The following WAPL variants were observed in gnomAD, a reference collection of about 807,000 sequenced individuals.
WAPL encodes the protein wings apart-like protein homolog.
A neutral mutation model predicts 121.0 loss-of-function variants in WAPL; 5 were observed. The observed-to-expected ratio is 0.04, with a 90% confidence interval of 0.02 to 0.09. WAPL has a LOEUF of 0.09. Among genes scored for constraint, WAPL ranks in the 10% least tolerant of loss-of-function variants. The probability of loss-of-function intolerance (pLI) is 1.00; values close to 1 mark genes in which losing one functional copy is unlikely to be tolerated. For missense variants in WAPL, 999 were observed against 1,410.8 expected, an observed-to-expected ratio of 0.71 and a Z score of 4.68; for synonymous variants, 480 against 481.5, an observed-to-expected ratio of 1.00 and a Z score of 0.04.
chr10:86,480,415 C>T (rs17331685), intron 4 of WAPL, among the ~76,000 whole-genome samples: 11,406 of 152,014 alleles, frequency 0.075, 460 homozygotes, highest in Middle Eastern at 0.13. Flanking sequence ...AAAGTCCATG[C>T]AAAAAACCAT....
chr10:86,438,025 C>T lies in WAPL; in HGVS notation c.3412-10G>A, dbSNP rs745918405. On this transcript the variant is annotated splice_polypyrimidine_tract_variant and intron_variant, in intron 17 of 18. Transcript: ENST00000298767. ...CAGTGGTTACATTGATCTGAGGAAA[C>T]AGAGCAAGAAATATTGGTCAGCTGG... 1 of 1,602,772 alleles carries T rather than the reference C, an allele frequency of 6.2e-7. No individual in the cohort carries two copies. The highest frequency in any genetic ancestry group is 1.3e-5 in the African/African-American group (1 of 74,720).
chr10:86,497,454 G>A (rs1409722550), intron 3 of WAPL, 135 bp from the exon 4 acceptor site: 1 of 670,704 alleles, frequency 1.5e-6, no homozygotes, highest in East Asian at 2.8e-5. Flanking sequence ...CCACAGAGCT[G>A]ACAAAATACT....
intron 14 of WAPL, among the ~76,000 whole-genome samples, chr10:86,452,926 G>C (rs1841025038): frequency 6.7e-6 from 1 of 148,522 alleles, no homozygotes; most frequent in Non-Finnish European, 1.5e-5. Context: ...TACAGTCCCA[G>C]CACCTGGAAG....
rs1842216348 is a variant in WAPL, at chr10:86,499,965, A to G, written c.1278T>C (p.Leu426=). The part of the protein sequence containing the change: ...SNTKSKKDVK[L]EFFGFEDHET... The stretch of plus-strand genomic sequence containing the variant: ...CATGATCTTCAAAACCAAAAAATTC[A>G]AGTTTAACATCCTTTTTGGATTTAG... Residue 426 remains leucine (L), a synonymous_variant, in exon 3 of 19, where the codon CTT becomes CTC. Coordinates refer to ENST00000298767, the MANE Select transcript of WAPL (RefSeq NM_015045.5). 2 of 1,614,156 alleles carry G rather than the reference A, an allele frequency of 1.2e-6. No individual in the cohort carries two copies. The highest frequency in any genetic ancestry group is 3.3e-5 in the Admixed American group (2 of 60,014).
At chr10:86,494,561 T>A (rs181117791) in intron 4 of WAPL, among the ~76,000 whole-genome samples, 190 of 152,344 alleles carry the variant, frequency 1.2e-3, no homozygotes, top group Admixed American at 1.1e-3. Context: ...CTTGATAGGT[T>A]CCCAGTACTT....
At chr10:86,451,940 G>A (rs765032259) in intron 15 of WAPL, 27 bp downstream of exon 15, 55 of 1,607,784 alleles carry the variant, frequency 3.4e-5, no homozygotes, top group Non-Finnish European at 4.3e-5. Context: ...CTGCAGTTAT[G>A]AGTTTGTTTT....
At chr10:86,517,507 A>T in intron 2 of WAPL, 64 bp downstream of exon 2, 1 of 1,504,098 alleles carries the variant, frequency 6.6e-7, no homozygotes, top group Non-Finnish European at 8.8e-7. Flanking sequence ...TAGAATTTAA[A>T]TCATTTAAAT....
chr10:86,443,660 T>C, intron 16 of WAPL: 1 of 321,638 alleles, frequency 3.1e-6, no homozygotes, highest in South Asian at 5.2e-5. Context: ...ATGAACTTGA[T>C]AAGGGTCAAG....
intron 15 of WAPL, among the ~76,000 whole-genome samples, chr10:86,448,344 G>A (rs1265973302): frequency 6.6e-6 from 1 of 152,122 alleles, no homozygotes; most frequent in African/African-American, 2.4e-5. Context: ...CCACCTACTT[G>A]GGAGGCTGAG....
chr10:86,459,256 A>G (rs2132180332), intron 11 of WAPL, among the ~76,000 whole-genome samples, 191 bp from the exon 12 acceptor site: 1 of 152,374 alleles, frequency 6.6e-6, no homozygotes, highest in East Asian at 1.9e-4. Flanking sequence ...TGAAAAAATT[A>G]AGACATCACT....
Position 86,472,534 on chromosome 10 carries a change from T to C in WAPL, c.1893+78A>G. 4.5e-6 allele frequency: 7 copies of C among 1,566,574 alleles called. No homozygotes were observed. The highest frequency in any genetic ancestry group is 6.1e-6 in the Non-Finnish European group (7 of 1,155,382). ...AACTGAGTATCAGTATACTGATATTTGTTGAAGATATTAAATGGCTAAATG... is the reference window on the plus strand; with the variant it reads ...AACTGAGTATCAGTATACTGATATTCGTTGAAGATATTAAATGGCTAAATG... On this transcript the variant is annotated intron_variant, in intron 6 of 18. Transcript: ENST00000298767. This position sits in a 1 kb window ranked among gnomAD's most constrained non-coding sequence, Gnocchi z 4.2.
At chr10:86,504,433 T>C (rs1160998220) in intron 2 of WAPL, among the ~76,000 whole-genome samples, 1 of 150,228 alleles carries the variant, frequency 6.7e-6, no homozygotes, top group African/African-American at 2.5e-5. Context: ...TCCCAGCACT[T>C]TGGGAGGCAG....
chr10:86,450,833 TTAAC>T (rs1840961439), intron 15 of WAPL, among the ~76,000 whole-genome samples: 1 of 152,218 alleles, frequency 6.6e-6, no homozygotes, highest in African/African-American at 2.4e-5. Flanking sequence ...AGCCTAGGGA[TTAAC>T]TACCTCTTAT....
intron 4 of WAPL, among the ~76,000 whole-genome samples, chr10:86,485,842 A>G (rs1239154393): frequency 6.6e-6 from 1 of 152,188 alleles, no homozygotes; most frequent in Non-Finnish European, 1.5e-5. Context: ...TACTCTTCTT[A>G]TTCATTTTTG....
Position 86,506,377 on chromosome 10 carries a change from A to C in WAPL, c.500-5634T>G, listed in dbSNP as rs920584392. Among the ~76,000 whole-genome samples, 5 of 152,216 alleles carry C rather than the reference A, an allele frequency of 3.3e-5. 1 individual carries two copies. The highest frequency in any genetic ancestry group is 1.2e-4 in the African/African-American group (5 of 41,462). On this transcript the variant is annotated intron_variant, in intron 2 of 18. Coordinates refer to ENST00000298767, the MANE Select transcript of WAPL (RefSeq NM_015045.5). ...GTTACAGGAGTGTTCCTCTTCTAATAATTAATTAAGCTAGACCCTTTTGTG... is the reference window on the plus strand; with the variant it reads ...GTTACAGGAGTGTTCCTCTTCTAATCATTAATTAAGCTAGACCCTTTTGTG...
At chr10:86,507,577 GA>G (rs1227603619) in intron 2 of WAPL, among the ~76,000 whole-genome samples, 1 of 151,944 alleles carries the variant, frequency 6.6e-6, no homozygotes, top group Non-Finnish European at 1.5e-5. Context: ...CCAACCCTCT[GA>G]TTTCCCAGTT....
intron 8 of WAPL, among the ~76,000 whole-genome samples, chr10:86,470,133 A>G (rs1020878851): frequency 2.0e-5 from 3 of 151,972 alleles, no homozygotes; most frequent in Non-Finnish European, 2.9e-5. Flanking sequence ...CCCGGGTTCA[A>G]GCAATTCTCC....
chr10:86,497,156 CAAT>C (rs1369881377), intron 4 of WAPL, 42 bp downstream of exon 4: 2 of 1,450,810 alleles, frequency 1.4e-6, no homozygotes, highest in Non-Finnish European at 1.9e-6. Context: ...TTGAGCCCTC[CAAT>C]AACAAATAAA....
intron 2 of WAPL, among the ~76,000 whole-genome samples, chr10:86,505,852 A>G (rs1026567983): frequency 6.6e-6 from 1 of 152,216 alleles, no homozygotes; most frequent in Admixed American, 6.5e-5. Context: ...TAAACATACG[A>G]AAGTGAACAG....
Sources: gnomAD v4.1 joint callset for allele counts (sites outside exome capture counted in the v4.1 genomes callset) on GRCh38, gnomAD v4.1.1 for gene constraint, Gnocchi (gnomAD v3.1) non-coding constraint, MANE v1.5 for transcripts, NCBI Gene and HGNC (gene_info 2026-07-23, HGNC 2026-07-21) for gene names.